The following PEMT variants were observed in gnomAD, a reference collection of about 807,000 sequenced individuals.
PEMT encodes the protein phosphatidylethanolamine N-methyltransferase.
In PEMT, 23 loss-of-function variants were observed where a neutral mutation model predicts 27.4. The ratio of observed to expected loss-of-function variants is 0.84; its 90% CI spans 0.60 to 1.19. PEMT has a LOEUF of 1.19. Among genes scored for constraint, PEMT ranks in the 50% most tolerant of loss-of-function variants. The pLI, the probability that PEMT is intolerant of heterozygous loss-of-function variation, is 0.00. For missense variants in PEMT, 307 were observed against 310.1 expected, an observed-to-expected ratio of 0.99 and a Z score of 0.07; for synonymous variants, 137 against 139.1, an observed-to-expected ratio of 0.98 and a Z score of 0.11.
chr17:17,520,999 C>T lies in PEMT; in HGVS notation c.320+1281G>A, dbSNP rs555702258. On this transcript the variant is annotated intron_variant, in intron 3 of 6. Coordinates refer to ENST00000255389, the MANE Select transcript of PEMT (RefSeq NM_148172.3). ...CAGCAAGGCCTGCCCCGGCTCCGCA[C>T]GTGCTGGCATGGAGCATTCGCAGGC... 4.6e-5 allele frequency among the ~76,000 whole-genome samples: 7 copies of T among 152,378 alleles called. No homozygotes were observed. In the South Asian group the frequency reaches 1.0e-3, roughly 23 times the overall value.
chr17:17,553,367 T>C (rs185877797), intron 2 of PEMT, among the ~76,000 whole-genome samples: 1 of 152,176 alleles, frequency 6.6e-6, no homozygotes, highest in Non-Finnish European at 1.5e-5. Flanking sequence ...ACTTTCCCTG[T>C]CCTCCCTGTA....
At chr17:17,521,818 C>T (rs1264783191) in intron 3 of PEMT, among the ~76,000 whole-genome samples, 2 of 152,130 alleles carry the variant, frequency 1.3e-5, no homozygotes, top group Non-Finnish European at 1.5e-5. Context: ...CCACCCGCCT[C>T]GGCCTCCCAA....
chr17:17,538,538 G>A (rs1908650744), intron 2 of PEMT, among the ~76,000 whole-genome samples: 1 of 150,462 alleles, frequency 6.6e-6, no homozygotes, highest in Admixed American at 6.7e-5. Flanking sequence ...CTGGGTGGCA[G>A]AACAAGACTC....
Position 17,557,702 on chromosome 17 carries a change from A to G in PEMT, c.204+19218T>C, listed in dbSNP as rs150153743. On this transcript the variant is annotated intron_variant, in intron 2 of 6. Coordinates refer to ENST00000255389, the MANE Select transcript of PEMT (RefSeq NM_148172.3). ...TGAAATGGGGTGGGCCCAAGCCAGC[A>G]CCAAGGAGTAGAGGGGGACATTGCA... Among the ~76,000 whole-genome samples, 1,477 of 152,328 alleles carry G rather than the reference A, an allele frequency of 9.7e-3. 27 individuals are homozygous for G. The highest frequency in any genetic ancestry group is 0.033 in the African/African-American group (1,372 of 41,582).
chr17:17,535,336 G>A (rs979449588), intron 2 of PEMT, among the ~76,000 whole-genome samples: 4 of 152,178 alleles, frequency 2.6e-5, no homozygotes, highest in East Asian at 3.8e-4. Context: ...GGGAGGCCGA[G>A]GCGGGTGGAT....
At position 17,512,243 on chromosome 17, in the gene PEMT, C is replaced by T. The variant is rs1415723772; in HGVS notation, c.466+266G>A. 6.6e-6 allele frequency among the ~76,000 whole-genome samples: 1 copy of T among 152,252 alleles called. No homozygotes were observed. The highest frequency in any genetic ancestry group is 1.9e-4 in the East Asian group (1 of 5,194). ...GCAGAACGGGCATTGAGTGCATCTT[C>T]ATTAGCTGGAGAGAAGCAGCAGGAG... On this transcript the variant is annotated intron_variant, in intron 4 of 6. Transcript: ENST00000255389. The surrounding 1 kb of genome is among the most constrained non-coding windows in gnomAD (Gnocchi z 6.3).
At chr17:17,591,883 A>G (rs957110862), upstream of PEMT, 1 of 985,468 alleles carries the variant, frequency 1.0e-6, no homozygotes, top group African/African-American at 1.7e-5. Flanking sequence ...GTTCCGCTGC[A>G]GCTACGTAGC....
chr17:17,573,652 G>A (rs1911363354), intron 2 of PEMT, among the ~76,000 whole-genome samples: 1 of 152,078 alleles, frequency 6.6e-6, no homozygotes. Context: ...TTCCCATCAG[G>A]GACCTGAGCA....
At chr17:17,528,185 A>G (rs1254566309) in intron 2 of PEMT, among the ~76,000 whole-genome samples, 1 of 152,190 alleles carries the variant, frequency 6.6e-6, no homozygotes, top group East Asian at 1.9e-4. Context: ...CATGAGCTCC[A>G]AGCTTCCTTC....
chr17:17,535,809 G>C (rs974558115), intron 2 of PEMT, among the ~76,000 whole-genome samples: 1 of 152,168 alleles, frequency 6.6e-6, no homozygotes, highest in Admixed American at 6.5e-5. Context: ...GTCATTAAAC[G>C]GTTCTAGTTT....
intron 3 of PEMT, among the ~76,000 whole-genome samples, chr17:17,518,715 T>C (rs1597880424): frequency 6.6e-6 from 1 of 152,310 alleles, no homozygotes; most frequent in African/African-American, 2.4e-5. Context: ...CGACTCCTGC[T>C]GGGTGCAGAG....
At chr17:17,541,951 AG>A (rs1908916901) in intron 2 of PEMT, among the ~76,000 whole-genome samples, 1 of 152,246 alleles carries the variant, frequency 6.6e-6, no homozygotes, top group East Asian at 1.9e-4. Flanking sequence ...CTGAGCCAGA[AG>A]GGCACAGCCC....
intron 2 of PEMT, among the ~76,000 whole-genome samples, chr17:17,556,657 A>C (rs1910074196): frequency 6.6e-6 from 1 of 152,094 alleles, no homozygotes; most frequent in African/African-American, 2.4e-5. Context: ...TACAGGTGTG[A>C]GCCGCTGCGC....
At position 17,523,231 on chromosome 17, in the gene PEMT, G is replaced by T. The variant is rs571856752; in HGVS notation, c.205-836C>A. 3.9e-4 allele frequency among the ~76,000 whole-genome samples: 60 copies of T among 152,308 alleles called. No individual in the cohort carries two copies. The highest frequency in any genetic ancestry group is 1.0e-3 in the South Asian group (5 of 4,828). On this transcript the variant is annotated intron_variant, in intron 2 of 6. Coordinates refer to ENST00000255389, the MANE Select transcript of PEMT (RefSeq NM_148172.3). The surrounding 1 kb of genome is among the most constrained non-coding windows in gnomAD (Gnocchi z 4.8). Reference sequence around the variant, plus strand: ...TGGGCTCTAGGTATGTGAGCAAGTTGTCTGTGGGCCCAGAGTAGGCGCCTG... The same window carrying T: ...TGGGCTCTAGGTATGTGAGCAAGTTTTCTGTGGGCCCAGAGTAGGCGCCTG...
At chr17:17,566,156 G>C (rs1402936230) in intron 2 of PEMT, among the ~76,000 whole-genome samples, 2 of 152,220 alleles carry the variant, frequency 1.3e-5, no homozygotes, top group East Asian at 1.9e-4. Flanking sequence ...GAAGACCCAG[G>C]AATGGGGTAA....
At chr17:17,572,909 C>A (rs939589575) in intron 2 of PEMT, among the ~76,000 whole-genome samples, 1 of 152,268 alleles carries the variant, frequency 6.6e-6, no homozygotes, top group Non-Finnish European at 1.5e-5. Flanking sequence ...TATTCAAGAG[C>A]CAGGCGTGGT....
rs60508733 is a variant in PEMT at position 17,558,704 on chromosome 17, A to C, written c.204+18216T>G. 4.6e-3 allele frequency among the ~76,000 whole-genome samples: 322 copies of C among 69,918 alleles called. 13 individuals carry two copies. Among genetic ancestry groups the C allele is most frequent in the Middle Eastern group, 0.031 (3 of 96 alleles). 45.9% of individuals were successfully genotyped at this position (69,918 alleles called of 152,430 possible). On this transcript the variant is annotated intron_variant, in intron 2 of 6. Coordinates refer to ENST00000255389, the MANE Select transcript of PEMT (RefSeq NM_148172.3). ...CACGAAAAAAAAAAAAAAAAACAAA[A>C]AGAAAGGGCAGCAGAGTGGACCGGA...
chr17:17,564,740 C>T (rs541032985), intron 2 of PEMT, among the ~76,000 whole-genome samples: 34 of 152,312 alleles, frequency 2.2e-4, no homozygotes, highest in Non-Finnish European at 2.6e-4. Context: ...CAGCTGCCAA[C>T]GCTGTCCTCA....
intron 2 of PEMT, among the ~76,000 whole-genome samples, chr17:17,543,191 G>A (rs1037173641): frequency 2.6e-5 from 4 of 152,342 alleles, no homozygotes; most frequent in African/African-American, 7.2e-5. Context: ...AGTCCTGAGG[G>A]CCTCGCATGT....
Sources: gnomAD v4.1 joint callset for allele counts (sites outside exome capture counted in the v4.1 genomes callset) on GRCh38, gnomAD v4.1.1 for gene constraint, Gnocchi (gnomAD v3.1) non-coding constraint, MANE v1.5 for transcripts, NCBI Gene and HGNC (gene_info 2026-07-23, HGNC 2026-07-21) for gene names.